Variants in EMC1 observed in about 807,000 individuals in gnomAD.
EMC1 encodes the protein ER membrane protein complex subunit 1, also known as KIAA0090.
In EMC1, 103 loss-of-function variants were observed where a neutral mutation model predicts 128.8. That is an observed-to-expected ratio of 0.80 (90% CI 0.68 to 0.94). EMC1 has a LOEUF of 0.94. Among genes scored for constraint, EMC1 ranks in the 40% least tolerant of loss-of-function variants. The pLI, the probability that EMC1 is intolerant of heterozygous loss-of-function variation, is 0.00. For synonymous variants in EMC1, 442 were observed against 490.4 expected (o/e 0.90, Z 1.30); for missense variants, 1,083 against 1,250.6 (o/e 0.87, Z 2.02).
chr1:19,227,266 C>T, intron 18 of EMC1, 47 bp downstream of exon 18: 1 of 1,608,998 alleles, frequency 6.2e-7, no homozygotes, highest in Non-Finnish European at 8.5e-7. Context: ...CCTTGTTTTC[C>T]TGATTCGAAA....
chr1:19,248,143 T>C (rs1380623871), intron 1 of EMC1, among the ~76,000 whole-genome samples: 1 of 152,160 alleles, frequency 6.6e-6, no homozygotes, highest in Non-Finnish European at 1.5e-5. Flanking sequence ...GACAGTGATA[T>C]TGATGATCCT....
Position 19,224,230 on chromosome 1 carries a change from G to A in EMC1, c.2203-661C>T, listed in dbSNP as rs546989532. ...GAGCATTTCCGTCACACTTACCCTCGTGGTGATCTCAAGCCAATCTCATGG... is the reference window on the plus strand; with the variant it reads ...GAGCATTTCCGTCACACTTACCCTCATGGTGATCTCAAGCCAATCTCATGG... On this transcript the variant is annotated intron_variant, in intron 18 of 22. Coordinates refer to ENST00000477853, the MANE Select transcript of EMC1 (RefSeq NM_015047.3). Among the ~76,000 whole-genome samples the A allele has an allele frequency of 6.6e-5, 10 of 152,222 alleles. No homozygotes were observed. In the East Asian group the frequency reaches 1.4e-3, roughly 21 times the overall value.
chr1:19,232,500 G>A (rs2093531478), intron 15 of EMC1, 124 bp downstream of exon 15: 1 of 1,088,784 alleles, frequency 9.2e-7, no homozygotes. Flanking sequence ...AGAAGAAACA[G>A]AGTTCTAACC....
Position 19,219,348 on chromosome 1 carries a change from A to G in EMC1, c.2937T>C (p.Thr979=), listed in dbSNP as rs1298686874. The change falls in exon 23 of 23, where the codon ACT becomes ACC. Residue 979 remains threonine (T), a synonymous_variant. Coordinates refer to ENST00000477853, the MANE Select transcript of EMC1 (RefSeq NM_015047.3). ...LFGLVFATMI[T]KRLAQVKLLN... Reference sequence around the variant, plus strand: ...GGAGCTTCACCTGTGCCAGTCTCTTAGTGATCATGGTGGCAAAAACCAGGC... The same window carrying G: ...GGAGCTTCACCTGTGCCAGTCTCTTGGTGATCATGGTGGCAAAAACCAGGC... 1.2e-6 allele frequency: 2 copies of G among 1,613,952 alleles called. No homozygotes were observed. The highest frequency in any genetic ancestry group is 1.7e-6 in the Non-Finnish European group (2 of 1,180,042).
intron 1 of EMC1, among the ~76,000 whole-genome samples, chr1:19,249,966 C>A (rs1424583030): frequency 6.6e-6 from 1 of 151,954 alleles, no homozygotes; most frequent in African/African-American, 2.4e-5. Flanking sequence ...ACCTGTAATT[C>A]CAACACTTTG....
In EMC1 at chr1:19,219,429, C is replaced by G; in HGVS notation, c.2856G>C (p.Gln952His). Reference protein sequence around the residue: ...IYQTRVYPSKQFDVLKDDYDY... With the variant: ...IYQTRVYPSKHFDVLKDDYDY... ...CATAGTCATCCTTCAGAACGTCAAA[C>G]TGCTTGGATGGGTAGACTCGAGTTT... The change falls in exon 23 of 23, where the codon CAG (glutamine) becomes CAC (histidine). Residue 952 changes from glutamine to histidine, a missense_variant. Gln to His is a conservative substitution (Grantham distance 24). Coordinates refer to ENST00000477853, the MANE Select transcript of EMC1 (RefSeq NM_015047.3). 1 of 1,613,990 alleles carries G rather than the reference C, an allele frequency of 6.2e-7. No individual in the cohort carries two copies. The highest frequency in any genetic ancestry group is 8.5e-7 in the Non-Finnish European group (1 of 1,180,024).
chr1:19,248,279 C>T (rs1053616619), intron 1 of EMC1, among the ~76,000 whole-genome samples: 1 of 152,170 alleles, frequency 6.6e-6, no homozygotes, highest in African/African-American at 2.4e-5. Flanking sequence ...CTCACTACAG[C>T]CACGACCTCC....
chr1:19,249,521 T>C (rs1027566368), intron 1 of EMC1, among the ~76,000 whole-genome samples: 1 of 152,210 alleles, frequency 6.6e-6, no homozygotes, highest in Non-Finnish European at 1.5e-5. Flanking sequence ...GGCTAAACCA[T>C]CTAGATTTAC....
intron 17 of EMC1, among the ~76,000 whole-genome samples, 198 bp from the exon 18 acceptor site, chr1:19,227,648 C>CT (rs1440297516): frequency 6.6e-6 from 1 of 152,180 alleles, no homozygotes; most frequent in Admixed American, 6.5e-5. Context: ...GGGCGGATCA[C>CT]TTGAGGTCAG....
intron 4 of EMC1, among the ~76,000 whole-genome samples, chr1:19,243,302 A>T (rs755039316): frequency 6.6e-5 from 10 of 152,308 alleles, no homozygotes; most frequent in Non-Finnish European, 1.2e-4. Flanking sequence ...GCTGTTCTTT[A>T]AACAAAACTA....
chr1:19,250,949 G>A (rs1268657659), intron 1 of EMC1, among the ~76,000 whole-genome samples: 1 of 152,202 alleles, frequency 6.6e-6, no homozygotes, highest in Non-Finnish European at 1.5e-5. Context: ...CCCAGGGCCA[G>A]ACTAGGTTGA....
chr1:19,243,042 C>CCTGG (rs2093615381), intron 4 of EMC1, among the ~76,000 whole-genome samples: 1 of 152,118 alleles, frequency 6.6e-6, no homozygotes, highest in South Asian at 2.1e-4. Context: ...TCGAGACCAG[C>CCTGG]CTGGCCAACA....
chr1:19,220,680 A>C (rs1036061131), intron 21 of EMC1, 84 bp downstream of exon 21: 2 of 1,138,654 alleles, frequency 1.8e-6, no homozygotes, highest in Non-Finnish European at 2.6e-6. Flanking sequence ...GCATGAAGGC[A>C]CACAGAGACC....
At chr1:19,222,877 T>G in intron 19 of EMC1, 43 bp from the exon 20 acceptor site, 5 of 1,487,284 alleles carry the variant, frequency 3.4e-6, no homozygotes, top group Non-Finnish European at 4.6e-6. Flanking sequence ...AGCAGCTGCT[T>G]CAACTGGAAA....
chr1:19,229,412 G>C (rs561497507), intron 17 of EMC1: 2 of 152,292 alleles, frequency 1.3e-5, no homozygotes, highest in African/African-American at 2.4e-5. Flanking sequence ...ACACTCCCTT[G>C]TGGTCCCGGA....
chr1:19,227,712 CA>C (rs917019793), intron 17 of EMC1, among the ~76,000 whole-genome samples: 3 of 152,204 alleles, frequency 2.0e-5, no homozygotes, highest in African/African-American at 7.2e-5. Context: ...ACTAAACATA[CA>C]AAAAATTAGC....
intron 5 of EMC1, among the ~76,000 whole-genome samples, chr1:19,241,366 A>G (rs573502355): frequency 2.6e-5 from 4 of 151,556 alleles, no homozygotes; most frequent in Admixed American, 6.7e-5. Flanking sequence ...AAATTTTCCT[A>G]CGGTTAGAAG....
At chr1:19,225,383 G>A (rs1049521466) in intron 18 of EMC1, among the ~76,000 whole-genome samples, 9 of 152,206 alleles carry the variant, frequency 5.9e-5, no homozygotes, top group Non-Finnish European at 7.3e-5. Flanking sequence ...TGGGCACGGT[G>A]GCTCCCGCCT....
chr1:19,224,221 C>T (rs1020719829), intron 18 of EMC1, among the ~76,000 whole-genome samples: 1 of 152,194 alleles, frequency 6.6e-6, no homozygotes, highest in African/African-American at 2.4e-5. Flanking sequence ...TTCCGTCACA[C>T]TTACCCTCGT....
Sources: allele counts gnomAD v4.1 joint callset (sites outside exome capture counted in the v4.1 genomes callset), GRCh38; gene constraint gnomAD v4.1.1; transcripts MANE v1.5; gene names NCBI Gene and HGNC (gene_info 2026-07-23, HGNC 2026-07-21).